PSAT1: variants seen among roughly 807,000 people sequenced by gnomAD.
The protein encoded by PSAT1 is phosphoserine aminotransferase.
A neutral mutation model predicts 40.3 loss-of-function variants in PSAT1; 41 were observed. That is an observed-to-expected ratio of 1.02 (90% CI 0.79 to 1.32). The LOEUF (loss-of-function observed/expected upper bound fraction) is 1.32. PSAT1 is among the 40% of genes most tolerant of loss of function. The probability of loss-of-function intolerance (pLI) is 0.00; values close to 1 mark genes in which losing one functional copy is unlikely to be tolerated. For synonymous variants in PSAT1, 147 were observed against 170.5 expected (o/e 0.86, Z 1.07); for missense variants, 406 against 455.8 (o/e 0.89, Z 0.99).
rs1163140244 is a variant in PSAT1 at position 78,304,810 on chromosome 9, C to T, written c.267C>T (p.Asn89=). 1.9e-6 allele frequency: 3 copies of T among 1,614,178 alleles called. No individual in the cohort carries two copies. Among genetic ancestry groups the T allele is most frequent in the East Asian group, 4.5e-5 (2 of 44,876 alleles). The part of the protein sequence containing the change: ...GCGQFSAVPL[N]LIGLKAGRCA... ...GCCAGTTCAGTGCTGTCCCCTTAAA[C>T]CTCATTGGCTTGAAAGCAGGAAGGT... The change falls in exon 4 of 9, where the codon AAC becomes AAT. Residue 89 remains asparagine (N), a synonymous_variant. Transcript: ENST00000376588.
At chr9:78,320,832 G>T (rs902406955) in intron 7 of PSAT1, among the ~76,000 whole-genome samples, 4 of 152,180 alleles carry the variant, frequency 2.6e-5, no homozygotes, top group Non-Finnish European at 4.4e-5. Flanking sequence ...AAAGCACTTG[G>T]TGGGTATAGT....
chr9:78,314,458 C>T lies in PSAT1; in HGVS notation c.741-3218C>T, dbSNP rs189477362. 1.2e-3 allele frequency among the ~76,000 whole-genome samples: 158 copies of T among 134,598 alleles called. 1 individual carries two copies. Among genetic ancestry groups the T allele is most frequent in the Non-Finnish European group, 1.8e-3 (112 of 63,148 alleles). 88.3% of individuals were successfully genotyped at this position (134,598 alleles called of 152,430 possible). ...CTGGGTGGGAGGGGAGGCAGGACCTCCTATCTTGTGTTAAGTAGAGTCACA... is the reference window on the plus strand; with the variant it reads ...CTGGGTGGGAGGGGAGGCAGGACCTTCTATCTTGTGTTAAGTAGAGTCACA... On this transcript the variant is annotated intron_variant, in intron 6 of 8. Transcript: ENST00000376588.
At chr9:78,321,415 T>C (rs1214689450) in intron 7 of PSAT1, among the ~76,000 whole-genome samples, 1 of 152,182 alleles carries the variant, frequency 6.6e-6, no homozygotes, top group Non-Finnish European at 1.5e-5. Context: ...TTTGGAACTA[T>C]GGAAATAGTT....
At chr9:78,308,917 T>C (rs1828226003) in intron 6 of PSAT1, among the ~76,000 whole-genome samples, 1 of 151,788 alleles carries the variant, frequency 6.6e-6, no homozygotes, top group Non-Finnish European at 1.5e-5. Flanking sequence ...ATGGCACCAT[T>C]GCACTCCAGC....
intron 7 of PSAT1, among the ~76,000 whole-genome samples, chr9:78,321,057 G>T (rs1046192865): frequency 1.3e-5 from 2 of 152,028 alleles, no homozygotes; most frequent in Non-Finnish European, 2.9e-5. Context: ...ACTAAACCTG[G>T]GCCTCTCCCA....
At chr9:78,317,480 G>T (rs1200927915) in intron 6 of PSAT1, among the ~76,000 whole-genome samples, 196 bp from the exon 7 acceptor site, 2 of 152,334 alleles carry the variant, frequency 1.3e-5, no homozygotes, top group African/African-American at 2.4e-5. Flanking sequence ...CCAACTCCTG[G>T]CTTCAAGCGA....
rs754204669 is a variant in PSAT1, at chr9:78,297,194, G to A, written c.-17G>A. 1 of 1,593,904 alleles carries A rather than the reference G, an allele frequency of 6.3e-7. No individual in the cohort carries two copies. The highest frequency in any genetic ancestry group is 8.5e-7 in the Non-Finnish European group (1 of 1,174,434). ...TTCGGTCCTCCTTGGCTGACTCACCGCCCTGGCCGCCGCACCATGGACGCC... is the reference window on the plus strand; with the variant it reads ...TTCGGTCCTCCTTGGCTGACTCACCACCCTGGCCGCCGCACCATGGACGCC... On this transcript the variant is annotated 5_prime_UTR_variant, in exon 1 of 9. Coordinates refer to ENST00000376588, the MANE Select transcript of PSAT1 (RefSeq NM_058179.4).
intron 1 of PSAT1, among the ~76,000 whole-genome samples, chr9:78,297,735 G>A (rs1000591586): frequency 5.3e-5 from 8 of 152,232 alleles, no homozygotes; most frequent in African/African-American, 1.9e-4. Context: ...TGATGAACGG[G>A]AATGAACCGA....
At chr9:78,320,514 T>C (rs2118690957) in intron 7 of PSAT1, among the ~76,000 whole-genome samples, 1 of 149,726 alleles carries the variant, frequency 6.7e-6, no homozygotes, top group South Asian at 2.1e-4. Flanking sequence ...CATCCATCCA[T>C]CCATCCACTC....
At chr9:78,299,418 T>C (rs1828074867) in intron 1 of PSAT1, among the ~76,000 whole-genome samples, 1 of 152,014 alleles carries the variant, frequency 6.6e-6, no homozygotes, top group South Asian at 2.1e-4. Flanking sequence ...CTCTATTTTA[T>C]TTGATCAGCT....
rs202026355 is a variant in PSAT1 at position 78,306,300 on chromosome 9, G to T, written c.398-14G>T. On this transcript the variant is annotated splice_polypyrimidine_tract_variant and intron_variant, in intron 4 of 8. Transcript: ENST00000376588. The stretch of plus-strand genomic sequence containing the variant: ...GTGAAAAGTGCAAAGTCTCAAACTT[G>T]TCTTCTGTGATAGAAATTCCAGATC... The T allele has an allele frequency of 6.2e-7, 1 of 1,612,028 alleles. No homozygotes were observed. The highest frequency in any genetic ancestry group is 1.3e-5 in the African/African-American group (1 of 74,968).
At chr9:78,312,575 A>C (rs56157371) in intron 6 of PSAT1, among the ~76,000 whole-genome samples, 20,135 of 152,086 alleles carry the variant, frequency 0.13, 1,421 homozygotes, top group African/African-American at 0.16. Flanking sequence ...ACATGCCTGT[A>C]ATCCAAGCTA....
intron 6 of PSAT1, among the ~76,000 whole-genome samples, chr9:78,316,506 C>G (rs1828346627): frequency 6.6e-6 from 1 of 152,200 alleles, no homozygotes. Flanking sequence ...GCTCTCCCCA[C>G]TCTTTCTCCC....
chr9:78,328,214 T>C, intron 8 of PSAT1, 26 bp downstream of exon 8: 1 of 1,613,920 alleles, frequency 6.2e-7, no homozygotes, highest in South Asian at 1.1e-5. Flanking sequence ...ATGCACGAGC[T>C]TGGCAAAGAA....
At chr9:78,327,210 C>T (rs1012137595) in intron 7 of PSAT1, among the ~76,000 whole-genome samples, 1 of 151,528 alleles carries the variant, frequency 6.6e-6, no homozygotes, top group Non-Finnish European at 1.5e-5. Context: ...ATCCACCTGC[C>T]TCGGCTTCCC....
At chr9:78,319,401 T>C (rs1255419390) in intron 7 of PSAT1, among the ~76,000 whole-genome samples, 2 of 152,212 alleles carry the variant, frequency 1.3e-5, no homozygotes, top group Non-Finnish European at 2.9e-5. Flanking sequence ...CCTTGGCCTT[T>C]GGGCTCCTTT....
At chr9:78,307,336 T>G (rs1003082420) in intron 5 of PSAT1, among the ~76,000 whole-genome samples, 1 of 152,262 alleles carries the variant, frequency 6.6e-6, no homozygotes. Flanking sequence ...GCAGAATGTC[T>G]TCAAGGTTCT....
intron 7 of PSAT1, among the ~76,000 whole-genome samples, chr9:78,324,090 C>T (rs1828464450): frequency 6.6e-6 from 1 of 152,140 alleles, no homozygotes; most frequent in South Asian, 2.1e-4. Flanking sequence ...CCCGGTGTGT[C>T]CCTGAGCAGC....
chr9:78,314,066 A>ATT (rs1291480902), intron 6 of PSAT1, among the ~76,000 whole-genome samples: 2 of 152,258 alleles, frequency 1.3e-5, no homozygotes, highest in African/African-American at 4.8e-5. Flanking sequence ...CATTTTAGAA[A>ATT]TGAAGGCATA....
Sources: allele counts gnomAD v4.1 joint callset (sites outside exome capture counted in the v4.1 genomes callset), GRCh38; gene constraint gnomAD v4.1.1; transcripts MANE v1.5; gene names NCBI Gene and HGNC (gene_info 2026-07-23, HGNC 2026-07-21).